SLC5A3: variants seen among roughly 807,000 people sequenced by gnomAD.
The protein encoded by SLC5A3 is sodium/myo-inositol cotransporter.
In SLC5A3, 10 loss-of-function variants were observed where a neutral mutation model predicts 43.2. That is an observed-to-expected ratio of 0.23 (90% CI 0.14 to 0.39). The LOEUF is 0.39. Among genes scored for constraint, SLC5A3 ranks in the 10% least tolerant of loss-of-function variants. The pLI is 1.00. For missense variants in SLC5A3, 608 were observed against 893.4 expected (o/e 0.68, Z 4.07); for synonymous variants, 349 against 322.0 (o/e 1.08, Z -0.90).
intron 1 of SLC5A3, among the ~76,000 whole-genome samples, chr21:34,083,987 A>G (rs563673127): frequency 4.6e-5 from 7 of 152,300 alleles, no homozygotes; most frequent in African/African-American, 1.4e-4. Context: ...TGTGTTTGCA[A>G]TGCAAGAGGA....
Position 34,096,958 on chromosome 21 carries a change from C to T in SLC5A3, c.1760C>T (p.Pro587Leu), listed in dbSNP as rs779532557. 2 of 1,614,026 alleles carry T rather than the reference C, an allele frequency of 1.2e-6. No homozygotes were observed. Among genetic ancestry groups the T allele is most frequent in the Non-Finnish European group, 8.5e-7 (1 of 1,179,960 alleles). ...ENNETINHII[P>L]NGKSEDSIKG... ...AATGAGACCATCAACCACATCATTC[C>T]CAACGGGAAATCTGAAGACAGCATT... is the stretch of plus-strand genomic sequence containing the variant. The change falls in exon 2 of 2, where the codon CCC (proline) becomes CTC (leucine). Residue 587 changes from proline to leucine, a missense_variant. Coordinates refer to ENST00000381151, the MANE Select transcript of SLC5A3 (RefSeq NM_006933.7). This position sits in a 1 kb window ranked among gnomAD's most constrained non-coding sequence, Gnocchi z 5.9.
At position 34,102,293 on chromosome 21, in the gene SLC5A3, A is replaced by ACT. The variant is rs1979275491; in HGVS notation, c.*4939_*4940dup. Reference sequence around the variant, plus strand: ...TAGTCATATAAATGTTTTTATTTAAACTTCTCTCTCTTCAATGCTGAGAAT... The same window carrying ACT: ...TAGTCATATAAATGTTTTTATTTAAACTCTTCTCTCTCTTCAATGCTGAGAAT... On this transcript the variant is annotated 3_prime_UTR_variant, in exon 2 of 2. Coordinates refer to ENST00000381151, the MANE Select transcript of SLC5A3 (RefSeq NM_006933.7). 1 of 999,312 alleles carries ACT rather than the reference A, an allele frequency of 1.0e-6. No individual in the cohort carries two copies. Among genetic ancestry groups the ACT allele is most frequent in the African/African-American group, 1.7e-5 (1 of 57,220 alleles). 61.9% of individuals were successfully genotyped at this position (999,312 alleles called of 1,614,324 possible). A position where few individuals can be genotyped will look rare whatever the true frequency, so the allele number is the denominator to read the frequency against.
chr21:34,090,025 A>G (rs1978602002), intron 1 of SLC5A3, among the ~76,000 whole-genome samples: 1 of 152,184 alleles, frequency 6.6e-6, no homozygotes, highest in African/African-American at 2.4e-5. Flanking sequence ...AACATCCCAA[A>G]CCCAAAATGC....
Position 34,104,020 on chromosome 21 carries a change from C to T in SLC5A3, c.*6665C>T. On this transcript the variant is annotated 3_prime_UTR_variant, in exon 2 of 2. Coordinates refer to ENST00000381151, the MANE Select transcript of SLC5A3 (RefSeq NM_006933.7). ...TCTTTTAGGAAATATTACCTCTTAA[C>T]AGTGCCCCCCCAAACATGCAGAAAG... 1 of 1,000,118 alleles carries T rather than the reference C, an allele frequency of 1.0e-6. No homozygotes were observed. The highest frequency in any genetic ancestry group is 1.2e-6 in the Non-Finnish European group (1 of 829,908). The allele number at this position is 1,000,118 out of a possible 1,614,324, so 62.0% of individuals were successfully genotyped here.
At chr21:34,092,596 T>C (rs1050122005) in intron 1 of SLC5A3, among the ~76,000 whole-genome samples, 7 of 152,222 alleles carry the variant, frequency 4.6e-5, no homozygotes, top group Non-Finnish European at 8.8e-5. Context: ...CAGCAGAATA[T>C]AGCTTCTATA....
intron 1 of SLC5A3, among the ~76,000 whole-genome samples, chr21:34,086,868 G>A (rs1978415164): frequency 6.6e-6 from 1 of 152,088 alleles, no homozygotes; most frequent in Non-Finnish European, 1.5e-5. Flanking sequence ...AGGGTGCTTG[G>A]GTTTCTGTTG....
At chr21:34,084,775 C>A (rs1989533702) in intron 1 of SLC5A3, among the ~76,000 whole-genome samples, 1 of 152,144 alleles carries the variant, frequency 6.6e-6, no homozygotes, top group African/African-American at 2.4e-5. Flanking sequence ...CCAGTCTGCT[C>A]ACCTCTGTTT....
chr21:34,097,023 TGCAGAGAGGA>T lies in SLC5A3; in HGVS notation c.1827_1836del (p.Cys609TrpfsTer8). Reference sequence around the variant, plus strand: ...TGAAGATGTTAATCTGTTGGTAACCTGCAGAGAGGAGGGCAACCCAGTGGCATCCTTAGGT... The same window carrying T: ...TGAAGATGTTAATCTGTTGGTAACCTGGGCAACCCAGTGGCATCCTTAGGT... On this transcript the variant is annotated frameshift_variant, in exon 2 of 2. Coordinates refer to ENST00000381151, the MANE Select transcript of SLC5A3 (RefSeq NM_006933.7). LOFTEE classifies it high-confidence loss of function. 3 of 1,614,062 alleles carry T rather than the reference TGCAGAGAGGA, an allele frequency of 1.9e-6. No individual in the cohort carries two copies. Among genetic ancestry groups the T allele is most frequent in the Non-Finnish European group, 2.5e-6 (3 of 1,179,972 alleles).
At chr21:34,083,340 T>C (rs1003981417) in intron 1 of SLC5A3, among the ~76,000 whole-genome samples, 3 of 152,216 alleles carry the variant, frequency 2.0e-5, no homozygotes, top group Non-Finnish European at 4.4e-5. Flanking sequence ...GTTCCAGATA[T>C]CTGCTCCCTT....
Position 34,099,166 on chromosome 21 carries a change from C to T in SLC5A3, c.*1811C>T. ...ATTTATGTATGAATAGCATGTATTTCTGAAGAGCTTAGAGTGCCTTGTAGA... is the reference window on the plus strand; with the variant it reads ...ATTTATGTATGAATAGCATGTATTTTTGAAGAGCTTAGAGTGCCTTGTAGA... On this transcript the variant is annotated 3_prime_UTR_variant, in exon 2 of 2. Transcript: ENST00000381151. The T allele has an allele frequency of 1.0e-6, 1 of 999,340 alleles. No individual in the cohort carries two copies. The highest frequency in any genetic ancestry group is 1.2e-6 in the Non-Finnish European group (1 of 829,432). The allele number at this position is 999,340 out of a possible 1,614,324, so 61.9% of individuals were successfully genotyped here.
At position 34,101,112 on chromosome 21, in the gene SLC5A3, A is replaced by C; in HGVS notation, c.*3757A>C. The C allele has an allele frequency of 1.0e-6, 1 of 1,000,194 alleles. No individual in the cohort carries two copies. The highest frequency in any genetic ancestry group is 1.2e-6 in the Non-Finnish European group (1 of 829,942). The allele number at this position is 1,000,194 out of a possible 1,614,324, so 62.0% of individuals were successfully genotyped here. A position where few individuals can be genotyped will look rare whatever the true frequency, so the allele number is the denominator to read the frequency against. On this transcript the variant is annotated 3_prime_UTR_variant, in exon 2 of 2. Transcript: ENST00000381151. ...CGTGACTACAGAGACTTGCCAGGAC[A>C]AAATTTTCCTAAGAAATCAGAAAAA...
chr21:34,092,045 C>T (rs1978723440), intron 1 of SLC5A3, among the ~76,000 whole-genome samples: 1 of 151,820 alleles, frequency 6.6e-6, no homozygotes, highest in Admixed American at 6.6e-5. Context: ...CATGTGTATT[C>T]TTATAAAAAT....
At chr21:34,089,201 T>TG (rs1351008834) in intron 1 of SLC5A3, among the ~76,000 whole-genome samples, 1 of 19,430 alleles carries the variant, frequency 5.1e-5, no homozygotes, top group African/African-American at 1.9e-4. Flanking sequence ...CTGATTTTTG[T>TG]GTTTTTTTAG....
In SLC5A3 at chr21:34,098,548, T is replaced by A. The variant is rs1652228608; in HGVS notation, c.*1193T>A. ...GACTTAGAGCATAAGGATGTTTCAG[T>A]GCAAACTGGCCGTCGGTAACAGAAA... On this transcript the variant is annotated 3_prime_UTR_variant, in exon 2 of 2. Coordinates refer to ENST00000381151, the MANE Select transcript of SLC5A3 (RefSeq NM_006933.7). 2 of 1,000,314 alleles carry A rather than the reference T, an allele frequency of 2.0e-6. No homozygotes were observed. The highest frequency in any genetic ancestry group is 2.4e-6 in the Non-Finnish European group (2 of 830,012). 62.0% of individuals were successfully genotyped at this position (1,000,314 alleles called of 1,614,324 possible). A position where few individuals can be genotyped will look rare whatever the true frequency, so the allele number is the denominator to read the frequency against.
At chr21:34,089,230 C>T (rs1361198939) in intron 1 of SLC5A3, among the ~76,000 whole-genome samples, 3 of 151,858 alleles carry the variant, frequency 2.0e-5, no homozygotes, top group African/African-American at 7.3e-5. Context: ...TTTGGCCAGG[C>T]AGGTCTCGAA....
Position 34,099,192 on chromosome 21 carries a change from A to G in SLC5A3, c.*1837A>G, listed in dbSNP as rs1185032790. The G allele has an allele frequency of 5.1e-5, 51 of 999,688 alleles. No individual in the cohort carries two copies. Among genetic ancestry groups the G allele is most frequent in the Non-Finnish European group, 5.9e-5 (49 of 829,780 alleles). The allele number at this position is 999,688 out of a possible 1,614,324, so 61.9% of individuals were successfully genotyped here. A position where few individuals can be genotyped will look rare whatever the true frequency, so the allele number is the denominator to read the frequency against. On this transcript the variant is annotated 3_prime_UTR_variant, in exon 2 of 2. Coordinates refer to ENST00000381151, the MANE Select transcript of SLC5A3 (RefSeq NM_006933.7). ...TGAAGAGCTTAGAGTGCCTTGTAGA[A>G]TTTTTTTCTCAATTTTATTCTTGAG...
rs1267198755 is a variant in SLC5A3, at chr21:34,101,454, G to A, written c.*4099G>A. 2 of 1,000,056 alleles carry A rather than the reference G, an allele frequency of 2.0e-6. No individual in the cohort carries two copies. The highest frequency in any genetic ancestry group is 2.4e-6 in the Non-Finnish European group (2 of 829,952). The allele number at this position is 1,000,056 out of a possible 1,614,324, so 61.9% of individuals were successfully genotyped here. ...TTTTGCATTAGCCAGATGCTAGGTT[G>A]TTGAAGGCATTTCAGTGTTGATAAT... On this transcript the variant is annotated 3_prime_UTR_variant, in exon 2 of 2. Coordinates refer to ENST00000381151, the MANE Select transcript of SLC5A3 (RefSeq NM_006933.7).
rs1450346159 is a variant in SLC5A3, at chr21:34,101,310, A to T, written c.*3955A>T. The T allele has an allele frequency of 1.0e-6, 1 of 1,000,100 alleles. No individual in the cohort carries two copies. The highest frequency in any genetic ancestry group is 1.2e-6 in the Non-Finnish European group (1 of 829,962). The allele number at this position is 1,000,100 out of a possible 1,614,324, so 62.0% of individuals were successfully genotyped here. A position where few individuals can be genotyped will look rare whatever the true frequency, so the allele number is the denominator to read the frequency against. On this transcript the variant is annotated 3_prime_UTR_variant, in exon 2 of 2. Transcript: ENST00000381151. ...TCCCCATATAAATCAGGGCACCAAT[A>T]AATAAGTTTCAGCTTTTTAAACCCT...
chr21:34,076,157 G>A (rs1325775821), intron 1 of SLC5A3, among the ~76,000 whole-genome samples: 1 of 152,160 alleles, frequency 6.6e-6, no homozygotes, highest in East Asian at 1.9e-4. Flanking sequence ...TGGAAGTTAA[G>A]AAACTATAGT....
Sources: gnomAD v4.1 joint callset for allele counts (sites outside exome capture counted in the v4.1 genomes callset) on GRCh38, gnomAD v4.1.1 for gene constraint, Gnocchi (gnomAD v3.1) non-coding constraint, MANE v1.5 for transcripts, NCBI Gene and HGNC (gene_info 2026-07-23, HGNC 2026-07-21) for gene names.